NALF2: variants seen among roughly 807,000 people sequenced by gnomAD.
NALF2 encodes NALCN channel auxiliary factor 2.
In NALF2, 1 loss-of-function variant was observed where a neutral mutation model predicts 24.8. The ratio of observed to expected loss-of-function variants is 0.04; its 90% confidence interval spans 0.01 to 0.19. The LOEUF is 0.19. Ranked by LOEUF, NALF2 falls within the 10% of genes least tolerant of loss-of-function variation. The pLI is 1.00. For missense variants in NALF2, 458 were observed against 409.6 expected, an observed-to-expected ratio of 1.12 and a Z score of -1.02; for synonymous variants, 254 against 189.8, an observed-to-expected ratio of 1.34 and a Z score of -2.78.
chrX:69,510,601 A>G (rs1479374667), intron 1 of NALF2, among the ~76,000 whole-genome samples: 1 of 112,162 alleles, frequency 8.9e-6, no homozygotes, highest in African/African-American at 3.2e-5. Context: ...TCTTAGAGCC[A>G]GAGAGGTACC....
chrX:69,504,824 C>T lies in NALF2; in HGVS notation c.-459C>T, dbSNP rs1930427552. On this transcript the variant is annotated 5_prime_UTR_variant, in exon 1 of 3. Coordinates refer to ENST00000252338, the MANE Select transcript of NALF2 (RefSeq NM_015686.3). ...AGCGGAGCGGAGCGCGGCGGCGGGG[C>T]CCGCACGGCGGCGCTGAGGGGCGCA... Among the ~76,000 whole-genome samples the T allele has an allele frequency of 9.3e-6, 1 of 108,081 alleles. No individual in the cohort carries two copies. The highest frequency in any genetic ancestry group is 3.7e-4 in the South Asian group (1 of 2,694). 93.9% of individuals were successfully genotyped at this position (108,081 alleles called of 115,157 possible).
At chrX:69,523,836 C>G (rs1447160633) in intron 1 of NALF2, among the ~76,000 whole-genome samples, 2 of 111,913 alleles carry the variant, frequency 1.8e-5, no homozygotes. Flanking sequence ...CTCCTCAGCT[C>G]TCCTCCCCTC....
chrX:69,505,590 C>G lies in NALF2; in HGVS notation c.308C>G (p.Pro103Arg). 1 of 1,035,875 alleles carries G rather than the reference C, an allele frequency of 9.7e-7. No individual in the cohort carries two copies. Among genetic ancestry groups the G allele is most frequent in the Non-Finnish European group, 1.2e-6 (1 of 819,947 alleles). 85.4% of individuals were successfully genotyped at this position (1,035,875 alleles called of 1,213,427 possible). A position where few individuals can be genotyped will look rare whatever the true frequency, so the allele number is the denominator to read the frequency against. Residue 103 changes from proline (P) to arginine (R), a missense_variant, in exon 1 of 3, where the codon CCG becomes CGG. Coordinates refer to ENST00000252338, the MANE Select transcript of NALF2 (RefSeq NM_015686.3). ...PRAVLPLPPP[P>R]PGEPSAPPGT... ...GCGGTGCTGCCGCTGCCGCCGCCGC[C>G]GCCCGGCGAGCCCAGCGCGCCCCCA...
At chrX:69,507,030 C>T (rs1930500133) in intron 1 of NALF2, among the ~76,000 whole-genome samples, 1 of 111,842 alleles carries the variant, frequency 8.9e-6, no homozygotes. Context: ...GGGCTGCAAA[C>T]ATTTGGGACT....
At chrX:69,509,043 C>T (rs1198090935) in intron 1 of NALF2, among the ~76,000 whole-genome samples, 1 of 112,351 alleles carries the variant, frequency 8.9e-6, no homozygotes, top group Non-Finnish European at 1.9e-5. Flanking sequence ...CCACACAGGG[C>T]CCCACGAATC....
chrX:69,510,203 G>A (rs1454966313), intron 1 of NALF2, among the ~76,000 whole-genome samples: 1 of 112,321 alleles, frequency 8.9e-6, no homozygotes, highest in East Asian at 2.8e-4. Context: ...TTTTAGGCCT[G>A]TGAGCAAAGC....
chrX:69,505,956 TG>T lies in NALF2; in HGVS notation c.679del (p.Asp227ThrfsTer75). On this transcript the variant is annotated frameshift_variant, in exon 1 of 3. Coordinates refer to ENST00000252338, the MANE Select transcript of NALF2 (RefSeq NM_015686.3). LOFTEE classifies it high-confidence loss of function. The part of the protein sequence containing the change: ...DSLDCSLDTL[M>X]GDLLAVVASP... ...CTGGACTGTAGCCTGGACACCCTGA[TG>T]GGGGACCTGCTGGCCGTGGTGGCCA... is the stretch of plus-strand genomic sequence containing the variant. 8.3e-7 allele frequency: 1 copy of T among 1,211,822 alleles called. No homozygotes were observed. Among genetic ancestry groups the T allele is most frequent in the Non-Finnish European group, 1.1e-6 (1 of 895,458 alleles).
At chrX:69,519,655 C>T (rs1206447378) in intron 1 of NALF2, among the ~76,000 whole-genome samples, 3 of 111,745 alleles carry the variant, frequency 2.7e-5, no homozygotes, top group Admixed American at 9.5e-5. Flanking sequence ...AAATCCTATC[C>T]GGGGATTGTG....
In NALF2 at chrX:69,505,645, G is replaced by C. The variant is rs1348278031; in HGVS notation, c.363G>C (p.Leu121=). The C allele has an allele frequency of 8.3e-7, 1 of 1,199,917 alleles. No homozygotes were observed. The highest frequency in any genetic ancestry group is 1.7e-5 in the African/African-American group (1 of 57,237). Reference sequence around the variant, plus strand: ...CCTGCGGCCCCAGATACAGCAACCTGACCAAAGCCGCCCCCGCCGCCGGCT... The same window carrying C: ...CCTGCGGCCCCAGATACAGCAACCTCACCAAAGCCGCCCCCGCCGCCGGCT... The part of the protein sequence containing the change: ...PGTCGPRYSN[L]TKAAPAAGSR... The change falls in exon 1 of 3, where the codon CTG becomes CTC. Residue 121 remains leucine (L), a synonymous_variant. Transcript: ENST00000252338.
chrX:69,511,502 A>T (rs1930583062), intron 1 of NALF2, among the ~76,000 whole-genome samples: 1 of 111,531 alleles, frequency 9.0e-6, no homozygotes, highest in African/African-American at 3.3e-5. Context: ...GTGTGCATGC[A>T]CACACAGACA....
rs1930867886 is a variant in NALF2 at position 69,529,706 on chromosome X, A to G, written c.1169A>G (p.Tyr390Cys). The G allele has an allele frequency of 3.3e-6, 4 of 1,208,019 alleles. No homozygotes were observed. The highest frequency in any genetic ancestry group is 3.0e-5 in the East Asian group (1 of 33,761). Residue 390 changes from tyrosine to cysteine, a missense_variant, in exon 3 of 3, where the codon TAT becomes TGT. Coordinates refer to ENST00000252338, the MANE Select transcript of NALF2 (RefSeq NM_015686.3). The stretch of plus-strand genomic sequence containing the variant: ...CACCAGCAGCAATTCCACCACTCCT[A>G]TTTCCACCACTACCACCAACAGTAC... ...KTHQQQFHHS[Y>C]FHHYHQQYHH...
chrX:69,505,245 C>G lies in NALF2; in HGVS notation c.-38C>G. On this transcript the variant is annotated 5_prime_UTR_variant, in exon 1 of 3. Transcript: ENST00000252338. ...CGCCCCAGACGGCCGTCTGGCCTCG[C>G]GCCTGCCTGTTCCCTCCAGCCCGGA... is the stretch of plus-strand genomic sequence containing the variant. 2 of 1,112,615 alleles carry G rather than the reference C, an allele frequency of 1.8e-6. No homozygotes were observed. Among genetic ancestry groups the G allele is most frequent in the Non-Finnish European group, 2.4e-6 (2 of 849,200 alleles). 91.7% of individuals were successfully genotyped at this position (1,112,615 alleles called of 1,213,427 possible). A position where few individuals can be genotyped will look rare whatever the true frequency, so the allele number is the denominator to read the frequency against.
chrX:69,505,271 C>T lies in NALF2; in HGVS notation c.-12C>T, dbSNP rs769585480. The T allele has an allele frequency of 1.5e-5, 17 of 1,133,289 alleles. No homozygotes were observed. The Admixed American group carries it at 2.0e-4, about 14-fold the overall frequency. The allele number at this position is 1,133,289 out of a possible 1,213,427, so 93.4% of individuals were successfully genotyped here. ...GCCTGCCTGTTCCCTCCAGCCCGGA[C>T]CCCCCTGAAATATGTTCAGGGGCGC... On this transcript the variant is annotated 5_prime_UTR_variant, in exon 1 of 3. Transcript: ENST00000252338.
At chrX:69,517,619 G>C (rs757287532) in intron 1 of NALF2, among the ~76,000 whole-genome samples, 103 of 112,432 alleles carry the variant, frequency 9.2e-4, no homozygotes, top group African/African-American at 3.1e-3. Context: ...GGATACTTAG[G>C]AGTAGGGAAA....
In NALF2 at chrX:69,505,282, T is replaced by C; in HGVS notation, c.-1T>C. 8.8e-7 allele frequency: 1 copy of C among 1,141,415 alleles called. No homozygotes were observed. Among genetic ancestry groups the C allele is most frequent in the Non-Finnish European group, 1.2e-6 (1 of 861,738 alleles). 94.1% of individuals were successfully genotyped at this position (1,141,415 alleles called of 1,213,427 possible). A position where few individuals can be genotyped will look rare whatever the true frequency, so the allele number is the denominator to read the frequency against. On this transcript the variant is annotated 5_prime_UTR_variant, in exon 1 of 3. Coordinates refer to ENST00000252338, the MANE Select transcript of NALF2 (RefSeq NM_015686.3). ...CCCTCCAGCCCGGACCCCCCTGAAATATGTTCAGGGGCGCTTGGATGTGGC... is the reference window on the plus strand; with the variant it reads ...CCCTCCAGCCCGGACCCCCCTGAAACATGTTCAGGGGCGCTTGGATGTGGC...
At chrX:69,513,979 G>A (rs918881901) in intron 1 of NALF2, among the ~76,000 whole-genome samples, 1 of 110,979 alleles carries the variant, frequency 9.0e-6, no homozygotes, top group African/African-American at 3.3e-5. Context: ...GATCACCTGA[G>A]GTCAGGAGTT....
intron 1 of NALF2, among the ~76,000 whole-genome samples, chrX:69,511,823 C>T (rs915732665): frequency 1.8e-5 from 2 of 111,940 alleles, no homozygotes; most frequent in African/African-American, 6.5e-5. Flanking sequence ...CGTAAGCATG[C>T]GAGGGTGCTT....
chrX:69,512,200 G>A (rs187103041), intron 1 of NALF2, among the ~76,000 whole-genome samples: 1 of 112,110 alleles, frequency 8.9e-6, no homozygotes, highest in East Asian at 2.8e-4. Flanking sequence ...AGGTCTCTGG[G>A]GAATGGGTAT....
At chrX:69,524,636 ACC>A (rs1930779829) in intron 1 of NALF2, among the ~76,000 whole-genome samples, 1 of 85,481 alleles carries the variant, frequency 1.2e-5, no homozygotes, top group Admixed American at 1.6e-4. Context: ...TGCCCAAACA[ACC>A]TCCCCCGTCA....
Sources: allele counts gnomAD v4.1 joint callset (sites outside exome capture counted in the v4.1 genomes callset), GRCh38; gene constraint gnomAD v4.1.1; transcripts MANE v1.5; gene names NCBI Gene and HGNC (gene_info 2026-07-23, HGNC 2026-07-21).